The following CTNNA2 variants were observed in gnomAD, a reference collection of about 807,000 sequenced individuals.
CTNNA2 encodes catenin alpha 2.
In CTNNA2, 42 loss-of-function variants were observed where a neutral mutation model predicts 101.0. The observed-to-expected ratio is 0.42, with a 90% CI of 0.32 to 0.54. CTNNA2 has a LOEUF of 0.54. Ranked by LOEUF, CTNNA2 falls within the 20% of genes least tolerant of loss-of-function variation. CTNNA2 has a pLI of 0.14. For missense variants in CTNNA2, 871 were observed against 1,223.1 expected, an observed-to-expected ratio of 0.71 and a Z score of 4.29; for synonymous variants, 450 against 456.4, an observed-to-expected ratio of 0.99 and a Z score of 0.18.
chr2:79,406,026 C>T (rs567486434), intron 4 of CTNNA2, among the ~76,000 whole-genome samples: 16 of 151,976 alleles, frequency 1.1e-4, no homozygotes, highest in Admixed American at 6.6e-4. Flanking sequence ...AGATCAAGAA[C>T]GATGTCACAG....
At chr2:79,431,898 T>C (rs1678663096) in intron 4 of CTNNA2, among the ~76,000 whole-genome samples, 1 of 152,048 alleles carries the variant, frequency 6.6e-6, no homozygotes, top group Admixed American at 6.6e-5. Context: ...TATGCAATTG[T>C]GGAACAGAAA....
intron 1 of CTNNA2, among the ~76,000 whole-genome samples, chr2:79,191,193 T>TC (rs1366009431): frequency 6.6e-6 from 1 of 152,186 alleles, no homozygotes; most frequent in Non-Finnish European, 1.5e-5. Context: ...TGTTGCAGAT[T>TC]CACAGTTGGT....
chr2:79,714,527 G>A (rs1040774952), intron 2 of CTNNA2, among the ~76,000 whole-genome samples: 1 of 152,112 alleles, frequency 6.6e-6, no homozygotes, highest in Non-Finnish European at 1.5e-5. Context: ...TCTAACTACC[G>A]CTTTCCTATC....
intron 11 of CTNNA2, among the ~76,000 whole-genome samples, chr2:80,554,797 G>A (rs1017474938): frequency 2.0e-5 from 3 of 152,118 alleles, no homozygotes; most frequent in African/African-American, 4.8e-5. Context: ...TATTTACAAA[G>A]AGCACTAAAC....
chr2:79,259,877 G>A (rs1674897816), intron 2 of CTNNA2, among the ~76,000 whole-genome samples: 1 of 152,206 alleles, frequency 6.6e-6, no homozygotes, highest in Non-Finnish European at 1.5e-5. Flanking sequence ...AGATAGATAA[G>A]AGACAATGCT....
At chr2:79,677,509 A>G (rs1683266505) in intron 2 of CTNNA2, among the ~76,000 whole-genome samples, 1 of 152,182 alleles carries the variant, frequency 6.6e-6, no homozygotes, top group Non-Finnish European at 1.5e-5. Flanking sequence ...GGAAACACAC[A>G]CACACGTTAA....
intron 7 of CTNNA2, among the ~76,000 whole-genome samples, chr2:80,350,889 C>T (rs1019010793): frequency 4.6e-5 from 7 of 152,082 alleles, no homozygotes; most frequent in Admixed American, 4.6e-4. Context: ...CTGCACTTTT[C>T]AAAATGGGGG....
intron 3 of CTNNA2, among the ~76,000 whole-genome samples, chr2:79,346,940 A>G (rs1479422210): frequency 6.6e-6 from 1 of 152,188 alleles, no homozygotes; most frequent in Non-Finnish European, 1.5e-5. Flanking sequence ...GGGGGACTCC[A>G]AAATGTGGGA....
At chr2:79,636,141 G>A (rs1484954736) in intron 1 of CTNNA2, among the ~76,000 whole-genome samples, 15 of 150,330 alleles carry the variant, frequency 1.0e-4, no homozygotes, top group African/African-American at 3.4e-4. Context: ...GTGGTGGCGG[G>A]CACCTGTAGT....
At chr2:80,590,743 T>C (rs1166270578) in intron 15 of CTNNA2, among the ~76,000 whole-genome samples, 1 of 152,200 alleles carries the variant, frequency 6.6e-6, no homozygotes, top group Non-Finnish European at 1.5e-5. Flanking sequence ...TTTACTGTTA[T>C]GAAGGAGCCC....
intron 7 of CTNNA2, among the ~76,000 whole-genome samples, chr2:80,108,266 A>G (rs116531014): frequency 0.015 from 2,248 of 152,266 alleles, 55 homozygotes; most frequent in African/African-American, 0.051. Context: ...CCTACCTAAG[A>G]AGGCTGTCAC....
chr2:79,335,824 T>A (rs1676982245), intron 3 of CTNNA2, among the ~76,000 whole-genome samples: 1 of 152,186 alleles, frequency 6.6e-6, no homozygotes, highest in African/African-American at 2.4e-5. Context: ...GTAAATTCTA[T>A]ATATCCTTAA....
At chr2:79,273,477 G>A (rs1448399612) in intron 2 of CTNNA2, among the ~76,000 whole-genome samples, 2 of 152,022 alleles carry the variant, frequency 1.3e-5, no homozygotes, top group Admixed American at 1.3e-4. Context: ...TCTATTTATA[G>A]CATTCTGTTT....
intron 7 of CTNNA2, among the ~76,000 whole-genome samples, chr2:80,101,123 G>A (rs189509234): frequency 1.6e-3 from 238 of 152,096 alleles, no homozygotes; most frequent in African/African-American, 5.5e-3. Context: ...TTACTTTTTT[G>A]AGAAATATCT....
intron 1 of CTNNA2, among the ~76,000 whole-genome samples, chr2:79,192,288 C>T (rs929922041): frequency 2.0e-5 from 3 of 152,106 alleles, no homozygotes; most frequent in Non-Finnish European, 4.4e-5. Context: ...TTTCATTTCA[C>T]AAAATGCTTT....
chr2:80,619,240 G>C lies in CTNNA2; in HGVS notation c.2574+12G>C. 7.8e-6 allele frequency: 12 copies of C among 1,529,086 alleles called. No homozygotes were observed. The highest frequency in any genetic ancestry group is 1.1e-5 in the Non-Finnish European group (12 of 1,136,362). The allele number at this position is 1,529,086 out of a possible 1,614,324, so 94.7% of individuals were successfully genotyped here. On this transcript the variant is annotated intron_variant, in intron 18 of 18. Transcript: ENST00000402739. ...GTGATTCCTCCATGGTGAGTAAATT[G>C]ACTTTCTAATCTAATGTCTTTCATT...
chr2:80,531,894 T>A (rs1690575711), intron 9 of CTNNA2, among the ~76,000 whole-genome samples: 1 of 152,208 alleles, frequency 6.6e-6, no homozygotes, highest in Non-Finnish European at 1.5e-5. Flanking sequence ...AGTTTTCATC[T>A]AAACTGGGGG....
intron 7 of CTNNA2, among the ~76,000 whole-genome samples, chr2:80,206,703 G>A (rs1319852399): frequency 6.6e-6 from 1 of 152,150 alleles, no homozygotes; most frequent in Non-Finnish European, 1.5e-5. Flanking sequence ...CCCACTCTGA[G>A]GTGGTGTTTT....
intron 1 of CTNNA2, chr2:79,514,688 C>T (rs1671713880): frequency 6.6e-6 from 1 of 152,168 alleles, no homozygotes; most frequent in Admixed American, 6.5e-5. Context: ...AAGGGTCCAA[C>T]AGTGTAAGTA....
Sources: gnomAD v4.1 joint callset for allele counts (sites outside exome capture counted in the v4.1 genomes callset) on GRCh38, gnomAD v4.1.1 for gene constraint, MANE v1.5 for transcripts, NCBI Gene and HGNC (gene_info 2026-07-23, HGNC 2026-07-21) for gene names.